The following EZH2 variants were observed in gnomAD, a reference collection of about 807,000 sequenced individuals.
EZH2 encodes histone-lysine N-methyltransferase EZH2.
EZH2 carries 18 observed loss-of-function variants against 98.4 expected under a neutral mutation model. That is an observed-to-expected ratio of 0.18 (90% CI 0.13 to 0.27). The LOEUF is 0.27. Among genes scored for constraint, EZH2 ranks in the 10% least tolerant of loss-of-function variants. The pLI, the probability that EZH2 is intolerant of heterozygous loss-of-function variation, is 1.00. For synonymous variants in EZH2, 338 were observed against 312.3 expected (o/e 1.08, Z -0.87); for missense variants, 470 against 935.1 (o/e 0.50, Z 6.49).
In EZH2 at chr7:148,807,588, T is replaced by A; in HGVS notation, c.*58A>T. On this transcript the variant is annotated 3_prime_UTR_variant, in exon 20 of 20. Transcript: ENST00000320356. The stretch of plus-strand genomic sequence containing the variant: ...TCTTTTTCTAAATTGCCCACAGTAC[T>A]CGAGGTTCCTGAAGCTAAGGCAGCT... 2.2e-6 allele frequency: 3 copies of A among 1,379,846 alleles called. No individual in the cohort carries two copies. Among genetic ancestry groups the A allele is most frequent in the Non-Finnish European group, 3.0e-6 (3 of 987,032 alleles). 85.5% of individuals were successfully genotyped at this position (1,379,846 alleles called of 1,614,324 possible).
chr7:148,812,178 C>T (rs181377812), intron 15 of EZH2, among the ~76,000 whole-genome samples: 28 of 152,278 alleles, frequency 1.8e-4, no homozygotes, highest in Admixed American at 7.2e-4. Flanking sequence ...CCCCAGGACA[C>T]CCCCTGATTC....
chr7:148,866,888 T>TA, intron 1 of EZH2, among the ~76,000 whole-genome samples: 1 of 148,084 alleles, frequency 6.8e-6, no homozygotes, highest in Non-Finnish European at 1.5e-5. Flanking sequence ...CTAATTTTTA[T>TA]TTTTTGGTAG....
intron 19 of EZH2, 80 bp from the exon 20 acceptor site, chr7:148,807,786 G>GAAAAT: frequency 1.5e-6 from 1 of 688,314 alleles, no homozygotes; most frequent in Non-Finnish European, 2.4e-6. Flanking sequence ...AAAGCCTGCT[G>GAAAAT]AAGATAGTGG....
At chr7:148,882,638 C>T (rs768936622) in intron 1 of EZH2, among the ~76,000 whole-genome samples, 7 of 152,116 alleles carry the variant, frequency 4.6e-5, no homozygotes, top group Non-Finnish European at 1.0e-4. Context: ...AAAATAAACT[C>T]CAAAACCCCT....
rs375161840 is a variant in EZH2, at chr7:148,832,772, T to G, written c.247-22A>C. On this transcript the variant is annotated intron_variant, in intron 3 of 19. Coordinates refer to ENST00000320356, the MANE Select transcript of EZH2 (RefSeq NM_004456.5). The stretch of plus-strand genomic sequence containing the variant: ...AACACTAAAACAGAAAAAATAAAAT[T>G]GACTCTTAAGAATAAAAGGACAACC... 4 of 1,469,092 alleles carry G rather than the reference T, an allele frequency of 2.7e-6. No homozygotes were observed. The African/African-American group carries it at 5.6e-5, about 21-fold the overall frequency. 91.0% of individuals were successfully genotyped at this position (1,469,092 alleles called of 1,614,324 possible).
intron 1 of EZH2, among the ~76,000 whole-genome samples, chr7:148,857,701 A>T (rs2129487614): frequency 6.6e-6 from 1 of 152,286 alleles, no homozygotes; most frequent in African/African-American, 2.4e-5. Flanking sequence ...CAGTGAGCAG[A>T]GATCGCACCT....
At chr7:148,852,533 T>G (rs1170144166) in intron 1 of EZH2, among the ~76,000 whole-genome samples, 2 of 152,198 alleles carry the variant, frequency 1.3e-5, no homozygotes, top group Non-Finnish European at 2.9e-5. Context: ...CCACAATCAG[T>G]GCAGTCACAG....
intron 3 of EZH2, among the ~76,000 whole-genome samples, chr7:148,844,904 T>C (rs1216919310): frequency 1.3e-5 from 2 of 152,010 alleles, no homozygotes; most frequent in Non-Finnish European, 2.9e-5. Context: ...CATCAGATCA[T>C]TAGAGCAGGC....
intron 1 of EZH2, among the ~76,000 whole-genome samples, chr7:148,873,553 C>CA (rs1281791219): frequency 1.3e-3 from 147 of 116,542 alleles, no homozygotes; most frequent in African/African-American, 3.4e-3. Context: ...ATTTCATGCT[C>CA]TTCATTTTTT....
chr7:148,840,758 G>A (rs1253139638), intron 3 of EZH2, among the ~76,000 whole-genome samples: 1 of 152,110 alleles, frequency 6.6e-6, no homozygotes, highest in Non-Finnish European at 1.5e-5. Flanking sequence ...AGAATCCTAA[G>A]GAGTAAATTT....
chr7:148,827,732 G>C (rs540856768), intron 6 of EZH2, among the ~76,000 whole-genome samples: 30 of 152,334 alleles, frequency 2.0e-4, no homozygotes, highest in Non-Finnish European at 3.8e-4. Flanking sequence ...GCTTTGCCAA[G>C]TAGAGAACAC....
chr7:148,812,752 C>T (rs1803446202), intron 15 of EZH2, among the ~76,000 whole-genome samples: 2 of 152,090 alleles, frequency 1.3e-5, no homozygotes, highest in Non-Finnish European at 1.5e-5. Flanking sequence ...CCATCGGAAA[C>T]GGAACCAGAG....
At chr7:148,872,764 C>T (rs779746239) in intron 1 of EZH2, among the ~76,000 whole-genome samples, 4 of 151,880 alleles carry the variant, frequency 2.6e-5, no homozygotes, top group Admixed American at 6.6e-5. Context: ...AGCATTTCTC[C>T]GGTCTAGTCT....
intron 17 of EZH2, among the ~76,000 whole-genome samples, chr7:148,809,705 A>T (rs1802500145): frequency 6.6e-6 from 1 of 152,218 alleles, no homozygotes; most frequent in Non-Finnish European, 1.5e-5. Context: ...AAACATCACG[A>T]ATAGGCATTT....
intron 1 of EZH2, among the ~76,000 whole-genome samples, chr7:148,874,597 ATTTTT>A (rs985478891): frequency 6.6e-6 from 1 of 151,992 alleles, no homozygotes; most frequent in Admixed American, 6.6e-5. Context: ...TGCTTTATAT[ATTTTT>A]TTCTTTGTTA....
intron 12 of EZH2, 122 bp from the exon 13 acceptor site, chr7:148,815,668 G>T: frequency 1.2e-6 from 1 of 835,408 alleles, no homozygotes; most frequent in Non-Finnish European, 2.0e-6. Context: ...CAAGAGTCAT[G>T]CCCTGCCCAG....
At chr7:148,816,975 A>G in intron 11 of EZH2, 197 bp from the exon 12 acceptor site, 1 of 596,494 alleles carries the variant, frequency 1.7e-6, no homozygotes, top group South Asian at 2.3e-5. Context: ...TGTGATGCTA[A>G]ATTTCAATTC....
Position 148,827,127 on chromosome 7 carries a change from T to C in EZH2, c.728+37A>G, listed in dbSNP as rs763563059. 2.6e-6 allele frequency: 4 copies of C among 1,532,594 alleles called. No individual in the cohort carries two copies. The Admixed American group carries it at 7.1e-5, about 27-fold the overall frequency. The allele number at this position is 1,532,594 out of a possible 1,614,324, so 94.9% of individuals were successfully genotyped here. A position where few individuals can be genotyped will look rare whatever the true frequency, so the allele number is the denominator to read the frequency against. On this transcript the variant is annotated intron_variant, in intron 7 of 19. Coordinates refer to ENST00000320356, the MANE Select transcript of EZH2 (RefSeq NM_004456.5). Reference sequence around the variant, plus strand: ...AACCAAAATGGTGAGTTACATACCATACAGGGCAAGATTGCCTCAAAGGAA... The same window carrying C: ...AACCAAAATGGTGAGTTACATACCACACAGGGCAAGATTGCCTCAAAGGAA...
intron 1 of EZH2, among the ~76,000 whole-genome samples, chr7:148,873,274 C>G (rs1819676075): frequency 6.6e-6 from 1 of 151,986 alleles, no homozygotes; most frequent in Admixed American, 6.5e-5. Context: ...GGCAGATCAC[C>G]TGAGGTCAGG....
Sources: allele counts gnomAD v4.1 joint callset (sites outside exome capture counted in the v4.1 genomes callset), GRCh38; gene constraint gnomAD v4.1.1; transcripts MANE v1.5; gene names NCBI Gene and HGNC (gene_info 2026-07-23, HGNC 2026-07-21).